The following CHRNA7 variants were observed in gnomAD, a reference collection of about 807,000 sequenced individuals.
CHRNA7 encodes the protein cholinergic receptor nicotinic alpha 7 subunit, also known as neuronal acetylcholine receptor subunit alpha-7.
In CHRNA7, 17 loss-of-function variants were observed where a neutral mutation model predicts 48.0. That is an observed-to-expected ratio of 0.35 (90% confidence interval 0.24 to 0.53). The LOEUF (loss-of-function observed/expected upper bound fraction) is 0.53, where lower values mean the gene tolerates loss of function less well. Among genes scored for constraint, CHRNA7 ranks in the 20% least tolerant of loss-of-function variants. The pLI is 0.92. For synonymous variants in CHRNA7, 75 were observed against 242.3 expected (o/e 0.31, Z 6.41); for missense variants, 155 against 577.7 (o/e 0.27, Z 7.50).
At chr15:32,148,040 C>A (rs2051528486) in intron 4 of CHRNA7, among the ~76,000 whole-genome samples, 1 of 152,160 alleles carries the variant, frequency 6.6e-6, no homozygotes, top group Admixed American at 6.5e-5. Flanking sequence ...GGATAGATTT[C>A]ATCTTCATCT....
chr15:32,095,302 A>C (rs1015160782), intron 2 of CHRNA7, among the ~76,000 whole-genome samples: 1 of 151,936 alleles, frequency 6.6e-6, no homozygotes, highest in Non-Finnish European at 1.5e-5. Context: ...AGGCTTCAGG[A>C]CTCCGTTGCT....
chr15:32,143,786 T>A (rs534026414), intron 4 of CHRNA7, among the ~76,000 whole-genome samples: 18 of 152,268 alleles, frequency 1.2e-4, no homozygotes, highest in Non-Finnish European at 2.4e-4. Flanking sequence ...TCTTCCTCCA[T>A]CCCTTCATTT....
rs188612246 is a variant in CHRNA7 at position 32,068,302 on chromosome 15, C to T, written c.196-33001C>T. ...CTAGCCTGGGTAACAGAGTGAGACC[C>T]TGAGGAAGGAAGGAGCAACCTGTTA... On this transcript the variant is annotated intron_variant, in intron 2 of 9. Coordinates refer to ENST00000306901, the MANE Select transcript of CHRNA7 (RefSeq NM_000746.6). 2.4e-3 allele frequency among the ~76,000 whole-genome samples: 360 copies of T among 152,132 alleles called. 1 individual carries two copies. The highest frequency in any genetic ancestry group is 6.8e-3 in the Middle Eastern group (2 of 294).
At chr15:32,069,994 CAATT>C (rs1461325185) in intron 2 of CHRNA7, among the ~76,000 whole-genome samples, 1 of 152,028 alleles carries the variant, frequency 6.6e-6, no homozygotes. Context: ...AGATTTATCT[CAATT>C]GATGAAGCAT....
At chr15:32,067,230 T>C (rs980826749) in intron 2 of CHRNA7, among the ~76,000 whole-genome samples, 1 of 152,162 alleles carries the variant, frequency 6.6e-6, no homozygotes, top group African/African-American at 2.4e-5. Context: ...AGATACATCA[T>C]AATCAAACTG....
intron 2 of CHRNA7, among the ~76,000 whole-genome samples, chr15:32,040,229 A>T (rs2141169383): frequency 6.6e-6 from 1 of 152,228 alleles, no homozygotes. Flanking sequence ...TGATGCATTT[A>T]GACCACTCAG....
intron 2 of CHRNA7, among the ~76,000 whole-genome samples, chr15:32,034,579 C>T (rs915634623): frequency 1.3e-5 from 2 of 152,084 alleles, no homozygotes; most frequent in African/African-American, 4.8e-5. Flanking sequence ...TGCATTTCAC[C>T]TGGCCCTAGT....
At chr15:32,125,275 A>G (rs1283166759) in intron 4 of CHRNA7, among the ~76,000 whole-genome samples, 2 of 152,232 alleles carry the variant, frequency 1.3e-5, no homozygotes, top group South Asian at 4.1e-4. Context: ...CATGATGATA[A>G]CCATAAAATA....
intron 4 of CHRNA7, among the ~76,000 whole-genome samples, chr15:32,136,998 C>G (rs1054164748): frequency 1.0e-4 from 14 of 134,424 alleles, no homozygotes; most frequent in African/African-American, 2.1e-4. Context: ...CGCCACTGCA[C>G]TCCAGCCTGG....
At chr15:32,142,072 T>C (rs1020075127) in intron 4 of CHRNA7, among the ~76,000 whole-genome samples, 2 of 152,238 alleles carry the variant, frequency 1.3e-5, no homozygotes, top group African/African-American at 4.8e-5. Context: ...TAAATAGCTC[T>C]TATTATTTTG....
intron 2 of CHRNA7, among the ~76,000 whole-genome samples, chr15:32,055,578 G>A (rs2049772908): frequency 6.6e-6 from 1 of 152,172 alleles, no homozygotes; most frequent in Non-Finnish European, 1.5e-5. Context: ...GTCCATTCAG[G>A]AGGGTGGGGC....
At chr15:32,132,201 T>C (rs2051168586) in intron 4 of CHRNA7, among the ~76,000 whole-genome samples, 1 of 152,158 alleles carries the variant, frequency 6.6e-6, no homozygotes, top group Admixed American at 6.5e-5. Flanking sequence ...GTCAGGCTGC[T>C]TCTCTCCTGA....
chr15:32,143,358 G>A (rs2051421161), intron 4 of CHRNA7, among the ~76,000 whole-genome samples: 4 of 152,292 alleles, frequency 2.6e-5, no homozygotes, highest in African/African-American at 7.2e-5. Flanking sequence ...GTCAATTTTA[G>A]AATAAGTGCA....
At chr15:32,152,568 G>A (rs1311646452) in intron 4 of CHRNA7, among the ~76,000 whole-genome samples, 1 of 152,226 alleles carries the variant, frequency 6.6e-6, no homozygotes, top group Non-Finnish European at 1.5e-5. Context: ...AGGAAGGAAG[G>A]GAGGAGCAGG....
At chr15:32,077,870 C>A (rs536196024) in intron 2 of CHRNA7, among the ~76,000 whole-genome samples, 1 of 152,202 alleles carries the variant, frequency 6.6e-6, no homozygotes, top group South Asian at 2.1e-4. Flanking sequence ...AACTAGCACT[C>A]ACTGCTCTTA....
chr15:32,140,556 AT>A (rs1196979993), intron 4 of CHRNA7, among the ~76,000 whole-genome samples: 2 of 152,042 alleles, frequency 1.3e-5, no homozygotes, highest in Non-Finnish European at 2.9e-5. Flanking sequence ...AAGCATTCCT[AT>A]TTCTCCACAT....
At chr15:32,054,136 G>A (rs915995870) in intron 2 of CHRNA7, among the ~76,000 whole-genome samples, 6 of 152,142 alleles carry the variant, frequency 3.9e-5, no homozygotes. Context: ...TCTTTAGTTG[G>A]TTTCAAATTT....
At chr15:32,075,529 G>A (rs2050123808) in intron 2 of CHRNA7, among the ~76,000 whole-genome samples, 1 of 152,130 alleles carries the variant, frequency 6.6e-6, no homozygotes, top group East Asian at 1.9e-4. Flanking sequence ...GATATCTGCA[G>A]GATCTGCATT....
intron 2 of CHRNA7, among the ~76,000 whole-genome samples, chr15:32,093,850 G>A (rs553932516): frequency 6.6e-6 from 1 of 152,066 alleles, no homozygotes; most frequent in African/African-American, 2.4e-5. Context: ...AGCCTTATAC[G>A]TTGCATTGTT....
Sources: gnomAD v4.1 joint callset for allele counts (sites outside exome capture counted in the v4.1 genomes callset) on GRCh38, gnomAD v4.1.1 for gene constraint, MANE v1.5 for transcripts, NCBI Gene and HGNC (gene_info 2026-07-23, HGNC 2026-07-21) for gene names.